ZNF276: variants seen among roughly 807,000 people sequenced by gnomAD.
ZNF276 encodes the protein centromere protein Z.
In ZNF276, 59 loss-of-function variants were observed where a neutral mutation model predicts 63.9. That is an observed-to-expected ratio of 0.92 (90% CI 0.75 to 1.15). The LOEUF (loss-of-function observed/expected upper bound fraction) is 1.15. ZNF276 is among the 50% of genes most tolerant of loss of function. The probability of loss-of-function intolerance (pLI) is 0.00; values close to 1 mark genes in which losing one functional copy is unlikely to be tolerated. For synonymous variants in ZNF276, 496 were observed against 348.4 expected (o/e 1.42, Z -4.72); for missense variants, 1,084 against 843.8 (o/e 1.28, Z -3.53).
At chr16:89,720,457 G>GA, upstream of ZNF276, 14 of 1,078,638 alleles carry the variant, frequency 1.3e-5, 1 homozygote, top group Non-Finnish European at 1.6e-5. Context: ...CCGTCACTCG[G>GA]ATTTTGGAAG....
rs1555528860 is a variant in ZNF276 at position 89,727,364 on chromosome 16, G to C, written c.1085+7G>C. 3 of 1,613,816 alleles carry C rather than the reference G, an allele frequency of 1.9e-6. No homozygotes were observed. The highest frequency in any genetic ancestry group is 2.5e-6 in the Non-Finnish European group (3 of 1,179,836). ...TCAGTGACCTTTCTGAGGGGTGAGA[G>C]AAGAGTGGGTTTAAACAGCCTAAAA... On this transcript the variant is annotated splice_region_variant and intron_variant, in intron 5 of 10. Coordinates refer to ENST00000443381, the MANE Select transcript of ZNF276 (RefSeq NM_001113525.2).
chr16:89,721,914 G>T, intron 1 of ZNF276, 69 bp downstream of exon 1: 1 of 1,081,954 alleles, frequency 9.2e-7, no homozygotes. Context: ...GAGCCGCACT[G>T]ACGCCCGGAA....
At chr16:89,737,759 A>G (rs1390601079) in intron 9 of ZNF276, 47 bp from the exon 10 acceptor site, 3 of 1,610,206 alleles carry the variant, frequency 1.9e-6, no homozygotes. Context: ...TCCCCCCGGG[A>G]GGTTGGAGCA....
chr16:89,739,533 G>C lies in ZNF276; in HGVS notation c.*1287G>C. The stretch of plus-strand genomic sequence containing the variant: ...TGCTGATCCGGGGCCACACGGAGGA[G>C]GAGCCGCCCCAGCCTGAGGTCTGCA... On this transcript the variant is annotated 3_prime_UTR_variant, in exon 11 of 11. Coordinates refer to ENST00000443381, the MANE Select transcript of ZNF276 (RefSeq NM_001113525.2). 6.4e-7 allele frequency: 1 copy of C among 1,551,392 alleles called. No individual in the cohort carries two copies. The highest frequency in any genetic ancestry group is 8.7e-7 in the Non-Finnish European group (1 of 1,147,054).
At chr16:89,727,759 G>A (rs983599892) in intron 5 of ZNF276, among the ~76,000 whole-genome samples, 5 of 152,200 alleles carry the variant, frequency 3.3e-5, no homozygotes, top group African/African-American at 7.2e-5. Flanking sequence ...CTTTGCTTCT[G>A]CTACTGTTTT....
At chr16:89,733,214 A>G in intron 6 of ZNF276, 88 bp from the exon 7 acceptor site, 2 of 1,270,384 alleles carry the variant, frequency 1.6e-6, no homozygotes, top group Non-Finnish European at 2.3e-6. Context: ...GAAGCTTCAG[A>G]AAAGACCATT....
chr16:89,737,782 A>G lies in ZNF276; in HGVS notation c.1475-24A>G, dbSNP rs186050933. On this transcript the variant is annotated intron_variant, in intron 9 of 10. Transcript: ENST00000443381. Reference sequence around the variant, plus strand: ...GGAGGTTGGAGCATCAGGGGCCTGGACTCACTGGACTCTCCCCTCTCAGAG... The same window carrying G: ...GGAGGTTGGAGCATCAGGGGCCTGGGCTCACTGGACTCTCCCCTCTCAGAG... 319 of 1,613,950 alleles carry G rather than the reference A, an allele frequency of 2.0e-4. No homozygotes were observed. The highest frequency in any genetic ancestry group is 4.0e-4 in the Admixed American group (24 of 60,008).
rs751769855 is a variant in ZNF276 at position 89,737,820 on chromosome 16, A to G, written c.1489A>G (p.Ile497Val). ...KLIHTEVRNY[I>V]CDECGQTFKQ... is the part of the protein sequence containing the mutation. ...TCCCCTCTCAGAGGTGCGGAACTAT[A>G]TCTGTGACGAATGTGGACAAACCTT... Residue 497 changes from isoleucine to valine, a missense_variant, in exon 10 of 11, where the codon ATC becomes GTC. Physicochemically the swap from Ile to Val is conservative, Grantham distance 29 (BLOSUM62 3). Transcript: ENST00000443381. 2 of 1,614,104 alleles carry G rather than the reference A, an allele frequency of 1.2e-6. No homozygotes were observed. Among genetic ancestry groups the G allele is most frequent in the South Asian group, 1.1e-5 (1 of 91,072 alleles).
intron 6 of ZNF276, chr16:89,731,673 C>T (rs11643713): frequency 0.19 from 29,156 of 152,340 alleles, 3,500 homozygotes; most frequent in Middle Eastern, 0.31. Flanking sequence ...AGCCTCTCAC[C>T]TCAGCCTCCC....
upstream of ZNF276, chr16:89,721,496 C>G (rs961028105): frequency 6.1e-6 from 5 of 825,744 alleles, no homozygotes; most frequent in Non-Finnish European, 8.6e-6. Context: ...CCCTGGCCCG[C>G]CCCGCCCGCC....
Position 89,739,067 on chromosome 16 carries a change from C to G in ZNF276, c.*821C>G, listed in dbSNP as rs766314322. ...AGTCTGCATGCTGTGCCGGAACATT[C>G]TTTGGCAGAAGGAGCCTCCGGCTGG... is the stretch of plus-strand genomic sequence containing the variant. On this transcript the variant is annotated 3_prime_UTR_variant, in exon 11 of 11. Transcript: ENST00000443381. 15 of 1,613,846 alleles carry G rather than the reference C, an allele frequency of 9.3e-6. No homozygotes were observed. The South Asian group carries it at 1.2e-4, about 13-fold the overall frequency.
intron 1 of ZNF276, among the ~76,000 whole-genome samples, 170 bp from the exon 2 acceptor site, chr16:89,722,361 C>G (rs946263462): frequency 6.6e-6 from 1 of 152,244 alleles, no homozygotes; most frequent in East Asian, 1.9e-4. Flanking sequence ...GCGGCCACAT[C>G]CCCCACAGGG....
upstream of ZNF276, chr16:89,720,443 C>T: frequency 3.8e-6 from 4 of 1,060,396 alleles, no homozygotes; most frequent in Non-Finnish European, 4.6e-6. Flanking sequence ...ACGCACGGAC[C>T]TGCCCGTCAC....
In ZNF276 at chr16:89,733,403, G is replaced by C. The variant is rs148047906; in HGVS notation, c.1271G>C (p.Arg424Pro). 2 of 1,614,050 alleles carry C rather than the reference G, an allele frequency of 1.2e-6. No individual in the cohort carries two copies. Among genetic ancestry groups the C allele is most frequent in the Non-Finnish European group, 1.7e-6 (2 of 1,180,052 alleles). The part of the protein sequence containing the change: ...GPKPGWKKKL[R>P]CEREELPTIY... The stretch of plus-strand genomic sequence containing the variant: ...AAGCCCGGATGGAAGAAGAAGCTTC[G>C]TTGTGAGAGGTGATGCCTGCAACGC... The change falls in exon 7 of 11, where the codon CGT (arginine) becomes CCT (proline). Residue 424 changes from arginine (R) to proline (P), a missense_variant. Transcript: ENST00000443381.
intron 4 of ZNF276, among the ~76,000 whole-genome samples, chr16:89,725,922 T>G (rs1392549171): frequency 6.6e-6 from 1 of 152,196 alleles, no homozygotes; most frequent in Admixed American, 6.5e-5. Flanking sequence ...GCTGAGATTA[T>G]AAGCATGAAC....
At chr16:89,720,456 G>C, upstream of ZNF276, 1 of 1,075,756 alleles carries the variant, frequency 9.3e-7, no homozygotes. Flanking sequence ...CCCGTCACTC[G>C]GATTTTGGAA....
chr16:89,727,941 C>T (rs1332486815), intron 5 of ZNF276, among the ~76,000 whole-genome samples: 1 of 152,198 alleles, frequency 6.6e-6, no homozygotes. Flanking sequence ...CTGGGCCACC[C>T]CTGCCTCTGA....
In ZNF276 at chr16:89,739,335, G is replaced by A; in HGVS notation, c.*1089G>A. On this transcript the variant is annotated 3_prime_UTR_variant, in exon 11 of 11. Coordinates refer to ENST00000443381, the MANE Select transcript of ZNF276 (RefSeq NM_001113525.2). ...ACAAATGGCTACAGACTGCTGGAAA[G>A]GTAGCAGGTGATGCCAAGGGATACT... The A allele has an allele frequency of 1.2e-6, 2 of 1,611,158 alleles. No homozygotes were observed. Among genetic ancestry groups the A allele is most frequent in the Admixed American group, 1.7e-5 (1 of 59,908 alleles).
At position 89,739,459 on chromosome 16, in the gene ZNF276, GCCCTGTGGGTGGAGGTAC is replaced by G. The variant is rs752457319; in HGVS notation, c.*1215_*1232del. The stretch of plus-strand genomic sequence containing the variant: ...GGGAAACACTGCCCAGCCCTGACCA[GCCCTGTGGGTGGAGGTAC>G]CTGTAAAAAGCGAAAGGCAGCAGCC... On this transcript the variant is annotated 3_prime_UTR_variant, in exon 11 of 11. Transcript: ENST00000443381. 5.2e-6 allele frequency: 8 copies of G among 1,551,852 alleles called. No homozygotes were observed. The highest frequency in any genetic ancestry group is 7.0e-6 in the Non-Finnish European group (8 of 1,147,734).
Sources: allele counts gnomAD v4.1 joint callset (sites outside exome capture counted in the v4.1 genomes callset), GRCh38; gene constraint gnomAD v4.1.1; transcripts MANE v1.5; gene names NCBI Gene and HGNC (gene_info 2026-07-23, HGNC 2026-07-21).